The following PLPP4 variants were observed in gnomAD, a reference collection of about 807,000 sequenced individuals.
PLPP4 encodes phospholipid phosphatase 4, also known as diacylglycerol pyrophosphate like 2.
Under a neutral mutation model 32.2 loss-of-function variants are expected in PLPP4, and 20 were observed. The ratio of observed to expected loss-of-function variants is 0.62; its 90% CI spans 0.44 to 0.90. PLPP4 has a LOEUF of 0.90. Among genes scored for constraint, PLPP4 ranks in the 40% least tolerant of loss-of-function variants. The pLI is 0.00. For missense variants in PLPP4, 257 were observed against 353.1 expected, an observed-to-expected ratio of 0.73 and a Z score of 2.18; for synonymous variants, 127 against 133.0, an observed-to-expected ratio of 0.95 and a Z score of 0.31.
chr10:120,497,447 TTATG>T (rs1442783373), intron 1 of PLPP4, among the ~76,000 whole-genome samples: 1 of 151,946 alleles, frequency 6.6e-6, no homozygotes, highest in Non-Finnish European at 1.5e-5. Context: ...AAGTGTGTGT[TTATG>T]TGTGTGGGGT....
chr10:120,556,422 G>A (rs980345142), intron 5 of PLPP4, among the ~76,000 whole-genome samples: 1 of 152,144 alleles, frequency 6.6e-6, no homozygotes, highest in Non-Finnish European at 1.5e-5. Flanking sequence ...AACTATTTCT[G>A]GCCCACATGT....
At chr10:120,553,724 G>A (rs35196992) in intron 5 of PLPP4, among the ~76,000 whole-genome samples, 7,981 of 152,248 alleles carry the variant, frequency 0.052, 295 homozygotes, top group Middle Eastern at 0.14. Flanking sequence ...CCTATAGCTT[G>A]CACCCTCTCA....
intron 5 of PLPP4, among the ~76,000 whole-genome samples, chr10:120,547,041 A>T (rs1261535175): frequency 6.6e-6 from 1 of 152,034 alleles, no homozygotes; most frequent in African/African-American, 2.4e-5. Flanking sequence ...GAGTTCAGGG[A>T]CCCTAGGTAG....
rs58426120 is a variant in PLPP4 at position 120,552,165 on chromosome 10, GGTGTGTGTGTGTGTGTGTGT to G, written c.446-22942_446-22923del. On this transcript the variant is annotated intron_variant, in intron 5 of 6. Coordinates refer to ENST00000398250, the MANE Select transcript of PLPP4 (RefSeq NM_001030059.3). Reference sequence around the variant, plus strand: ...GTGATTGTGTTGTTAGTGGTGGTGGGGTGTGTGTGTGTGTGTGTGTGTGTGTGTGTGTGTGTGTGTGTGAT... The same window carrying G: ...GTGATTGTGTTGTTAGTGGTGGTGGGGTGTGTGTGTGTGTGTGTGTGTGAT... Among the ~76,000 whole-genome samples, 1,260 of 138,632 alleles carry G rather than the reference GGTGTGTGTGTGTGTGTGTGT, an allele frequency of 9.1e-3. 22 individuals carry two copies. Among genetic ancestry groups the G allele is most frequent in the African/African-American group, 0.032 (1,208 of 37,176 alleles). The allele number at this position is 138,632 out of a possible 152,430, so 90.9% of individuals were successfully genotyped here. A position where few individuals can be genotyped will look rare whatever the true frequency, so the allele number is the denominator to read the frequency against.
intron 6 of PLPP4, among the ~76,000 whole-genome samples, chr10:120,587,015 A>C (rs1332857200): frequency 2.0e-5 from 3 of 152,204 alleles, no homozygotes; most frequent in Non-Finnish European, 4.4e-5. Flanking sequence ...ACTAGAAATG[A>C]TATCGAGCCC....
intron 5 of PLPP4, among the ~76,000 whole-genome samples, chr10:120,552,499 TG>T (rs1847957347): frequency 6.6e-6 from 1 of 152,168 alleles, no homozygotes; most frequent in East Asian, 1.9e-4. Context: ...CTATCACCAT[TG>T]GCCATCAAAA....
At chr10:120,526,666 A>G (rs1391638476) in intron 5 of PLPP4, among the ~76,000 whole-genome samples, 1 of 152,216 alleles carries the variant, frequency 6.6e-6, no homozygotes, top group East Asian at 1.9e-4. Context: ...TTCCAAAACC[A>G]GAGCCTCAGA....
chr10:120,477,035 T>G (rs567294228), intron 1 of PLPP4, among the ~76,000 whole-genome samples: 1 of 152,300 alleles, frequency 6.6e-6, no homozygotes, highest in South Asian at 2.1e-4. Context: ...AATCTTGGCT[T>G]CTTTCTTAAA....
At chr10:120,457,854 G>A (rs1286158024) in intron 1 of PLPP4, among the ~76,000 whole-genome samples, 1 of 152,200 alleles carries the variant, frequency 6.6e-6, no homozygotes, top group Admixed American at 6.5e-5. Context: ...TTCCCAGCGG[G>A]CGTTTGCGGC....
intron 2 of PLPP4, among the ~76,000 whole-genome samples, chr10:120,507,654 T>C (rs1301028338): frequency 1.3e-5 from 2 of 152,024 alleles, no homozygotes; most frequent in Non-Finnish European, 1.5e-5. Context: ...TCCTTGGTGA[T>C]TGGTTAGGTG....
intron 1 of PLPP4, among the ~76,000 whole-genome samples, chr10:120,471,275 A>G (rs960376238): frequency 1.3e-5 from 2 of 152,134 alleles, no homozygotes; most frequent in African/African-American, 2.4e-5. Flanking sequence ...TTGTGTTATT[A>G]AAACCAACTT....
intron 5 of PLPP4, among the ~76,000 whole-genome samples, chr10:120,569,973 A>G (rs1274837105): frequency 6.6e-6 from 1 of 152,230 alleles, no homozygotes; most frequent in Non-Finnish European, 1.5e-5. Flanking sequence ...AAGAGAACAC[A>G]TAGTTTCTAA....
In PLPP4 at chr10:120,479,106, G is replaced by A. The variant is rs1564784621; in HGVS notation, c.56+21745G>A. Among the ~76,000 whole-genome samples, 3 of 152,082 alleles carry A rather than the reference G, an allele frequency of 2.0e-5. No homozygotes were observed. The South Asian group carries it at 6.2e-4, about 32-fold the overall frequency. ...CCGGGCATGGTGGTGGGCGCCTGTA[G>A]TCCCAGCTACTTGGGAGGCTGAGGC... On this transcript the variant is annotated intron_variant, in intron 1 of 6. Transcript: ENST00000398250.
chr10:120,555,073 G>A (rs961907166), intron 5 of PLPP4, among the ~76,000 whole-genome samples: 1 of 152,078 alleles, frequency 6.6e-6, no homozygotes, highest in Non-Finnish European at 1.5e-5. Flanking sequence ...TCAGATTACA[G>A]CGAGTGGCAA....
intron 5 of PLPP4, among the ~76,000 whole-genome samples, chr10:120,549,331 G>T (rs970267395): frequency 6.7e-6 from 1 of 149,832 alleles, no homozygotes; most frequent in Non-Finnish European, 1.5e-5. Flanking sequence ...AACCAAAATG[G>T]ATACTAGATG....
At chr10:120,586,688 G>C (rs933122328) in intron 6 of PLPP4, among the ~76,000 whole-genome samples, 6 of 152,176 alleles carry the variant, frequency 3.9e-5, no homozygotes, top group Non-Finnish European at 7.3e-5. Flanking sequence ...ACATAATTAT[G>C]CTGTGAGCAA....
intron 1 of PLPP4, among the ~76,000 whole-genome samples, chr10:120,501,138 G>A (rs761071616): frequency 1.3e-5 from 2 of 152,188 alleles, no homozygotes; most frequent in Non-Finnish European, 2.9e-5. Flanking sequence ...GAACTACCTA[G>A]GCGATGAGCC....
chr10:120,487,689 G>T lies in PLPP4; in HGVS notation c.57-16129G>T, dbSNP rs374424611. On this transcript the variant is annotated intron_variant, in intron 1 of 6. Coordinates refer to ENST00000398250, the MANE Select transcript of PLPP4 (RefSeq NM_001030059.3). ...TGTAGAAGGGGTGCTGAAACTTTTGGCTTCTCCATTGTTTGGGAGGGGAGA... is the reference window on the plus strand; with the variant it reads ...TGTAGAAGGGGTGCTGAAACTTTTGTCTTCTCCATTGTTTGGGAGGGGAGA... Among the ~76,000 whole-genome samples, 12 of 152,184 alleles carry T rather than the reference G, an allele frequency of 7.9e-5. No individual in the cohort carries two copies. The South Asian group carries it at 2.3e-3, about 29-fold the overall frequency.
chr10:120,548,286 A>G (rs1409563), intron 5 of PLPP4, among the ~76,000 whole-genome samples: 117,891 of 151,866 alleles, frequency 0.78, 45,867 homozygotes, highest in East Asian at 0.88. Flanking sequence ...GTGTTCATAT[A>G]TACTCAGTGT....
Sources: gnomAD v4.1 joint callset for allele counts (sites outside exome capture counted in the v4.1 genomes callset) on GRCh38, gnomAD v4.1.1 for gene constraint, MANE v1.5 for transcripts, NCBI Gene and HGNC (gene_info 2026-07-23, HGNC 2026-07-21) for gene names.